BBS9: variants seen among roughly 807,000 people sequenced by gnomAD.
BBS9 encodes the protein Bardet-Biedl syndrome 9.
Under a neutral mutation model 117.7 loss-of-function variants are expected in BBS9, and 89 were observed. That is an observed-to-expected ratio of 0.76 (90% CI 0.64 to 0.90). The LOEUF (loss-of-function observed/expected upper bound fraction) is 0.90. Ranked by LOEUF, BBS9 falls within the 40% of genes least tolerant of loss-of-function variation. The pLI is 0.00. For synonymous variants in BBS9, 379 were observed against 370.9 expected (o/e 1.02, Z -0.25); for missense variants, 982 against 1,042.2 (o/e 0.94, Z 0.80).
chr7:33,331,178 A>T (rs1813963598), intron 9 of BBS9, among the ~76,000 whole-genome samples: 1 of 152,208 alleles, frequency 6.6e-6, no homozygotes, highest in African/African-American at 2.4e-5. Context: ...TCATATGATT[A>T]TTTCAATAGA....
intron 1 of BBS9, among the ~76,000 whole-genome samples, chr7:33,136,377 G>A (rs562841138): frequency 6.6e-6 from 1 of 152,218 alleles, no homozygotes; most frequent in East Asian, 1.9e-4. Flanking sequence ...CTATAGTTGA[G>A]AGCATCCAGT....
chr7:33,371,897 G>C (rs1290368876), intron 17 of BBS9, among the ~76,000 whole-genome samples: 2 of 152,106 alleles, frequency 1.3e-5, no homozygotes, highest in Non-Finnish European at 2.9e-5. Flanking sequence ...ACTAAAAACA[G>C]GGCTCAGATT....
At chr7:33,176,736 A>T (rs1439282020) in intron 4 of BBS9, among the ~76,000 whole-genome samples, 1 of 152,156 alleles carries the variant, frequency 6.6e-6, no homozygotes, top group Non-Finnish European at 1.5e-5. Flanking sequence ...TACATTTTGG[A>T]TTAATGAGTG....
At chr7:33,343,770 A>AT (rs1200227271) in intron 11 of BBS9, among the ~76,000 whole-genome samples, 3 of 152,120 alleles carry the variant, frequency 2.0e-5, no homozygotes, top group Admixed American at 2.0e-4. Flanking sequence ...AAGTGCTAGG[A>AT]TTACAGGCAT....
intron 5 of BBS9, among the ~76,000 whole-genome samples, chr7:33,184,205 A>G (rs75804755): frequency 0.014 from 2,092 of 152,218 alleles, 59 homozygotes; most frequent in African/African-American, 0.048. Flanking sequence ...AGCTAGAGAA[A>G]GACCCACCAT....
At chr7:33,189,451 T>G (rs575850890) in intron 5 of BBS9, among the ~76,000 whole-genome samples, 2 of 152,266 alleles carry the variant, frequency 1.3e-5, no homozygotes, top group South Asian at 4.1e-4. Context: ...AATATGTGGT[T>G]TATGGGGAAA....
At chr7:33,356,595 A>G (rs971730874) in intron 15 of BBS9, among the ~76,000 whole-genome samples, 46 of 151,832 alleles carry the variant, frequency 3.0e-4, no homozygotes, top group Non-Finnish European at 5.5e-4. Flanking sequence ...TATGCTCCAC[A>G]TGCTCTGAAA....
intron 16 of BBS9, among the ~76,000 whole-genome samples, chr7:33,362,332 A>T (rs1236701899): frequency 6.6e-6 from 1 of 152,124 alleles, no homozygotes; most frequent in Non-Finnish European, 1.5e-5. Flanking sequence ...CATCTAAGAG[A>T]TATTTCCTAA....
chr7:33,254,442 A>G (rs1796697651), intron 5 of BBS9, among the ~76,000 whole-genome samples: 2 of 152,152 alleles, frequency 1.3e-5, no homozygotes, highest in Non-Finnish European at 2.9e-5. Flanking sequence ...TGATATACAT[A>G]TACATTGTGT....
At position 33,473,616 on chromosome 7, in the gene BBS9, C is replaced by T. The variant is rs147789180; in HGVS notation, c.2116-31847C>T. ...CTGGGATTACAGGCTTGAGCTACCA[C>T]GCTCAGCCAACATTTTAATAAATAC... On this transcript the variant is annotated intron_variant, in intron 19 of 22. Coordinates refer to ENST00000242067, the MANE Select transcript of BBS9 (RefSeq NM_198428.3). Among the ~76,000 whole-genome samples the T allele has an allele frequency of 5.6e-3, 853 of 152,296 alleles. 6 individuals carry two copies. The highest frequency in any genetic ancestry group is 0.019 in the African/African-American group (794 of 41,564).
intron 5 of BBS9, among the ~76,000 whole-genome samples, chr7:33,243,553 A>AT (rs967599534): frequency 6.6e-6 from 1 of 152,202 alleles, no homozygotes; most frequent in Non-Finnish European, 1.5e-5. Context: ...GAGTAGTGAG[A>AT]TTTTAACAAG....
chr7:33,552,707 C>A (rs902854641), intron 21 of BBS9, among the ~76,000 whole-genome samples: 1 of 152,170 alleles, frequency 6.6e-6, no homozygotes, highest in African/African-American at 2.4e-5. Flanking sequence ...GCTCCAATCT[C>A]ATCTCAAACT....
In BBS9 at chr7:33,605,455, T is replaced by TA. The variant is rs1265470275; in HGVS notation, c.*230dup. 1 of 589,010 alleles carries TA rather than the reference T, an allele frequency of 1.7e-6. No individual in the cohort carries two copies. The highest frequency in any genetic ancestry group is 3.0e-6 in the Non-Finnish European group (1 of 329,218). 36.5% of individuals were successfully genotyped at this position (589,010 alleles called of 1,614,324 possible). A position where few individuals can be genotyped will look rare whatever the true frequency, so the allele number is the denominator to read the frequency against. On this transcript the variant is annotated 3_prime_UTR_variant, in exon 23 of 23. Transcript: ENST00000242067. ...TGTCTTGTTTTGCCAGGAAAGGAAG[T>TA]AGTTGCCTTTGGTCATCCATCTGCT...
chr7:33,154,025 T>G (rs1470121831), intron 3 of BBS9, among the ~76,000 whole-genome samples: 1 of 152,210 alleles, frequency 6.6e-6, no homozygotes, highest in Non-Finnish European at 1.5e-5. Context: ...ATAGCCCTCA[T>G]CTATGTGCTC....
At position 33,515,720 on chromosome 7, in the gene BBS9, G is replaced by A. The variant is rs78969726; in HGVS notation, c.2298+10075G>A. ...GTTGTATTGCTTGACCTTGACATAG[G>A]TTAGTGATCTCTGTGCGTGTCTTTC... On this transcript the variant is annotated intron_variant, in intron 20 of 22. Transcript: ENST00000242067. 9.4e-3 allele frequency among the ~76,000 whole-genome samples: 1,424 copies of A among 152,278 alleles called. 18 individuals carry two copies. Among genetic ancestry groups the A allele is most frequent in the East Asian group, 0.051 (265 of 5,186 alleles).
chr7:33,376,496 A>G (rs1180043678), intron 17 of BBS9, among the ~76,000 whole-genome samples: 2 of 152,194 alleles, frequency 1.3e-5, no homozygotes, highest in Non-Finnish European at 2.9e-5. Flanking sequence ...TAGTGCTACA[A>G]TGAGCATATG....
intron 17 of BBS9, among the ~76,000 whole-genome samples, chr7:33,379,487 T>A (rs1469487162): frequency 2.0e-5 from 3 of 152,204 alleles, no homozygotes; most frequent in African/African-American, 7.2e-5. Context: ...ATGTGGAAGC[T>A]TATTCAGAAT....
At chr7:33,553,796 C>G (rs899359782) in intron 21 of BBS9, among the ~76,000 whole-genome samples, 1 of 152,006 alleles carries the variant, frequency 6.6e-6, no homozygotes, top group African/African-American at 2.4e-5. Context: ...GTGCTGGGCT[C>G]TATGCTAGGC....
intron 19 of BBS9, among the ~76,000 whole-genome samples, chr7:33,497,362 C>T (rs1338331488): frequency 6.6e-6 from 1 of 152,112 alleles, no homozygotes; most frequent in Non-Finnish European, 1.5e-5. Context: ...GACTTTGAAG[C>T]TCATCAATTC....
Sources: allele counts gnomAD v4.1 joint callset (sites outside exome capture counted in the v4.1 genomes callset), GRCh38; gene constraint gnomAD v4.1.1; transcripts MANE v1.5; gene names NCBI Gene and HGNC (gene_info 2026-07-23, HGNC 2026-07-21).